The following MICAL3 variants were observed in gnomAD, a reference collection of about 807,000 sequenced individuals.
The protein encoded by MICAL3 is [F-actin]-monooxygenase MICAL3.
In MICAL3, 62 loss-of-function variants were observed where a neutral mutation model predicts 207.4. That is an observed-to-expected ratio of 0.30 (90% CI 0.24 to 0.37). The LOEUF (loss-of-function observed/expected upper bound fraction) is 0.37. MICAL3 is among the 10% of genes least tolerant of loss of function. The pLI, the probability that MICAL3 is intolerant of heterozygous loss-of-function variation, is 1.00. For missense variants in MICAL3, 2,368 were observed against 2,635.6 expected (o/e 0.90, Z 2.22); for synonymous variants, 1,077 against 1,069.3 (o/e 1.01, Z -0.14).
chr22:17,870,834 A>G (rs1453915518), intron 17 of MICAL3, among the ~76,000 whole-genome samples: 1 of 152,194 alleles, frequency 6.6e-6, no homozygotes, highest in African/African-American at 2.4e-5. Context: ...GCACCATGAC[A>G]GGAGTCAGCC....
intron 16 of MICAL3, among the ~76,000 whole-genome samples, chr22:17,874,547 C>A (rs1928072577): frequency 6.6e-6 from 1 of 152,226 alleles, no homozygotes; most frequent in African/African-American, 2.4e-5. Flanking sequence ...GCAAAGGCAT[C>A]TGCCACATTC....
intron 27 of MICAL3, chr22:17,813,869 G>A (rs899584402): frequency 3.3e-5 from 5 of 152,230 alleles, no homozygotes; most frequent in African/African-American, 7.2e-5. Context: ...AGGCAGCTGC[G>A]TTGCTTGTAT....
At chr22:17,916,789 T>C (rs2146289075) in intron 1 of MICAL3, among the ~76,000 whole-genome samples, 1 of 152,242 alleles carries the variant, frequency 6.6e-6, no homozygotes, top group South Asian at 2.1e-4. Context: ...CCTCTGCACG[T>C]TGAAATGGCC....
chr22:18,006,801 C>G (rs1923414935), intron 1 of MICAL3, among the ~76,000 whole-genome samples: 1 of 152,176 alleles, frequency 6.6e-6, no homozygotes, highest in Non-Finnish European at 1.5e-5. Context: ...CCATTGCACT[C>G]CAGCGTGGGC....
chr22:17,949,027 T>A (rs1004545525), intron 1 of MICAL3, among the ~76,000 whole-genome samples: 3 of 149,874 alleles, frequency 2.0e-5, no homozygotes, highest in Non-Finnish European at 4.4e-5. Context: ...CTGCCCAACA[T>A]GGTGAAACCC....
rs1034553069 is a variant in MICAL3 at position 17,789,573 on chromosome 22, G to C, written c.*1159C>G. 1 of 152,384 alleles carries C rather than the reference G, an allele frequency of 6.6e-6. No individual in the cohort carries two copies. Among genetic ancestry groups the C allele is most frequent in the Non-Finnish European group, 1.5e-5 (1 of 68,152 alleles). 9.4% of individuals were successfully genotyped at this position (152,384 alleles called of 1,614,324 possible). ...GCCAGGGTGAGGCAGGCACCGGGTG[G>C]AGGAGGGGACAGAAAGCTGTGAGGA... On this transcript the variant is annotated 3_prime_UTR_variant, in exon 32 of 32. Transcript: ENST00000441493.
At chr22:17,794,787 G>C (rs1007473638) in intron 29 of MICAL3, among the ~76,000 whole-genome samples, 1 of 152,188 alleles carries the variant, frequency 6.6e-6, no homozygotes, top group Admixed American at 6.5e-5. Context: ...AGTGTGCAGA[G>C]AGACATCTCT....
intron 1 of MICAL3, among the ~76,000 whole-genome samples, chr22:17,957,625 C>T (rs9604812): frequency 0.02 from 3,032 of 149,602 alleles, 43 homozygotes; most frequent in Non-Finnish European, 0.029. Context: ...GCAGGAGAAT[C>T]GCTTGAACCA....
intron 1 of MICAL3, among the ~76,000 whole-genome samples, chr22:17,948,073 C>T (rs1326604482): frequency 2.0e-5 from 3 of 152,166 alleles, no homozygotes; most frequent in African/African-American, 7.2e-5. Flanking sequence ...GGCACGAGAG[C>T]TTGAAAGCTC....
chr22:17,890,436 C>A (rs959533124), intron 12 of MICAL3, among the ~76,000 whole-genome samples: 2 of 152,126 alleles, frequency 1.3e-5, no homozygotes, highest in East Asian at 3.9e-4. Context: ...CCACTGATCA[C>A]AATCTTTCCC....
intron 1 of MICAL3, chr22:18,006,525 T>C (rs1476736407): frequency 1.3e-5 from 2 of 152,190 alleles, no homozygotes; most frequent in Non-Finnish European, 2.9e-5. Flanking sequence ...TATGCTATCT[T>C]ATTTTCAATT....
rs116111531 is a variant in MICAL3, at chr22:17,910,673, C to T, written c.-74-3787G>A. 3.0e-3 allele frequency among the ~76,000 whole-genome samples: 456 copies of T among 152,318 alleles called. 3 individuals carry two copies. The highest frequency in any genetic ancestry group is 0.01 in the African/African-American group (432 of 41,572). On this transcript the variant is annotated intron_variant, in intron 1 of 31. Transcript: ENST00000441493. The stretch of plus-strand genomic sequence containing the variant: ...CTGCTTTGCAGCTGAATGATGACTG[C>T]AGCGCAAAGACTCCTCCAGAGTGTG...
chr22:17,824,119 G>C (rs1345829364), intron 22 of MICAL3, among the ~76,000 whole-genome samples: 1 of 152,116 alleles, frequency 6.6e-6, no homozygotes, highest in East Asian at 1.9e-4. Flanking sequence ...CTCCGAACTT[G>C]CACCAGCAGG....
chr22:17,904,393 C>T lies in MICAL3; in HGVS notation c.472+239G>A, dbSNP rs193151624. ...CACGACCTAACAGAAATCCTCAAGC[C>T]AAACCCCACATTTCACAGGTTATCG... On this transcript the variant is annotated intron_variant, in intron 3 of 31. Transcript: ENST00000441493. Among the ~76,000 whole-genome samples the T allele has an allele frequency of 4.7e-3, 710 of 152,346 alleles. 4 individuals carry two copies. Among genetic ancestry groups the T allele is most frequent in the Admixed American group, 0.011 (166 of 15,302 alleles).
chr22:17,826,417 A>G, intron 22 of MICAL3: 1 of 977,296 alleles, frequency 1.0e-6, no homozygotes, highest in Non-Finnish European at 1.2e-6. Context: ...GAGAGAGGTT[A>G]CGGTGAGTGG....
intron 19 of MICAL3, among the ~76,000 whole-genome samples, chr22:17,857,078 T>G (rs566098928): frequency 5.9e-5 from 9 of 152,324 alleles, no homozygotes; most frequent in Non-Finnish European, 1.0e-4. Context: ...CATAATCCTG[T>G]TAATCGATAC....
intron 1 of MICAL3, among the ~76,000 whole-genome samples, chr22:17,991,073 C>A (rs553388302): frequency 6.6e-6 from 1 of 152,346 alleles, no homozygotes; most frequent in East Asian, 1.9e-4. Flanking sequence ...CGGCTCCTGG[C>A]GTGCAGATGA....
intron 19 of MICAL3, chr22:17,863,290 T>G: frequency 3.0e-6 from 3 of 985,406 alleles, no homozygotes; most frequent in Non-Finnish European, 3.6e-6. Context: ...TTCTTTTGAG[T>G]TGTTCTACTG....
intron 20 of MICAL3, among the ~76,000 whole-genome samples, chr22:17,837,505 G>A (rs1923523165): frequency 6.6e-6 from 1 of 152,228 alleles, no homozygotes; most frequent in African/African-American, 2.4e-5. Flanking sequence ...TTGCTGCCCG[G>A]GGCACATTCT....
Sources: gnomAD v4.1 joint callset for allele counts (sites outside exome capture counted in the v4.1 genomes callset) on GRCh38, gnomAD v4.1.1 for gene constraint, MANE v1.5 for transcripts, NCBI Gene and HGNC (gene_info 2026-07-23, HGNC 2026-07-21) for gene names.